The following SPARC variants were observed in gnomAD, a reference collection of about 807,000 sequenced individuals.
SPARC encodes basement-membrane protein 40.
Under a neutral mutation model 37.7 loss-of-function variants are expected in SPARC, and 23 were observed. The observed-to-expected ratio is 0.61, with a 90% CI of 0.44 to 0.87. SPARC has a LOEUF of 0.87. Among genes scored for constraint, SPARC ranks in the 40% least tolerant of loss-of-function variants. SPARC has a pLI of 0.00. For synonymous variants in SPARC, 155 were observed against 150.8 expected (o/e 1.03, Z -0.20); for missense variants, 312 against 389.0 (o/e 0.80, Z 1.66).
chr5:151,664,141 T>C lies in SPARC; in HGVS notation c.829A>G (p.Asn277Asp). 1 of 1,614,180 alleles carries C rather than the reference T, an allele frequency of 6.2e-7. No homozygotes were observed. The highest frequency in any genetic ancestry group is 8.5e-7 in the Non-Finnish European group (1 of 1,180,026). Residue 277 changes from asparagine to aspartate, a missense_variant, in exon 9 of 10, where the codon AAT (asparagine) becomes GAT (aspartate). Physicochemically the swap from Asn to Asp is conservative, Grantham distance 23. Transcript: ENST00000231061. Reference protein sequence around the residue: ...TRFFETCDLDNDKYIALDEWA... With the variant: ...TRFFETCDLDDDKYIALDEWA... ...TCATCCAGGGCGATGTACTTGTCAT[T>C]GTCCAGGTCACAGGTCTCGAAAAAG...
At chr5:151,684,882 A>C (rs1354272393) in intron 1 of SPARC, among the ~76,000 whole-genome samples, 5 of 152,190 alleles carry the variant, frequency 3.3e-5, no homozygotes, top group Non-Finnish European at 7.3e-5. Context: ...AGGTCTTCAA[A>C]CACCCTTGCA....
intron 6 of SPARC, among the ~76,000 whole-genome samples, chr5:151,668,399 C>G (rs1242320334): frequency 6.6e-6 from 1 of 152,168 alleles, no homozygotes; most frequent in Non-Finnish European, 1.5e-5. Flanking sequence ...GTGATCCTCC[C>G]TACTCGGCCT....
At chr5:151,665,817 T>C (rs1267993908) in intron 8 of SPARC, among the ~76,000 whole-genome samples, 1 of 152,174 alleles carries the variant, frequency 6.6e-6, no homozygotes, top group Non-Finnish European at 1.5e-5. Flanking sequence ...TGCCTGCCTG[T>C]TCGGCAGTGC....
At chr5:151,667,388 T>A in intron 7 of SPARC, 79 bp downstream of exon 7, 1 of 1,571,170 alleles carries the variant, frequency 6.4e-7, no homozygotes, top group Non-Finnish European at 8.7e-7. Flanking sequence ...GATGCCGCCC[T>A]GCAGCTGGGG....
Position 151,663,509 on chromosome 5 carries a change from C to T in SPARC, c.*62G>A. The T allele has an allele frequency of 2.0e-6, 3 of 1,497,330 alleles. No individual in the cohort carries two copies. The allele number at this position is 1,497,330 out of a possible 1,614,324, so 92.8% of individuals were successfully genotyped here. A position where few individuals can be genotyped will look rare whatever the true frequency, so the allele number is the denominator to read the frequency against. On this transcript the variant is annotated 3_prime_UTR_variant, in exon 10 of 10. Transcript: ENST00000231061. ...CAACAAACCATCCAAACATTTTAAA[C>T]ATTGGGGGAAACACGAAGGGGAGGG...
intron 5 of SPARC, among the ~76,000 whole-genome samples, chr5:151,670,035 T>TA (rs1018866986): frequency 4.6e-5 from 7 of 152,040 alleles, no homozygotes; most frequent in African/African-American, 1.7e-4. Flanking sequence ...AGTTCTGAGA[T>TA]ATAGGGAAAA....
Position 151,663,344 on chromosome 5 carries a change from T to G in SPARC, c.*227A>C. Reference sequence around the variant, plus strand: ...AAAGCTACAAATGGCAAGAGAAAAATGGGACTATTAATGCGTGTGGAAAAG... The same window carrying G: ...AAAGCTACAAATGGCAAGAGAAAAAGGGGACTATTAATGCGTGTGGAAAAG... On this transcript the variant is annotated 3_prime_UTR_variant, in exon 10 of 10. Coordinates refer to ENST00000231061, the MANE Select transcript of SPARC (RefSeq NM_003118.4). 1 of 528,990 alleles carries G rather than the reference T, an allele frequency of 1.9e-6. No homozygotes were observed. Among genetic ancestry groups the G allele is most frequent in the Non-Finnish European group, 3.4e-6 (1 of 297,978 alleles). 32.8% of individuals were successfully genotyped at this position (528,990 alleles called of 1,614,324 possible).
intron 1 of SPARC, among the ~76,000 whole-genome samples, chr5:151,683,743 G>A (rs1313349056): frequency 6.6e-6 from 1 of 152,192 alleles, no homozygotes; most frequent in Non-Finnish European, 1.5e-5. Context: ...ATAGGCGAGG[G>A]TCAGAATTTT....
In SPARC at chr5:151,667,508, C is replaced by A; in HGVS notation, c.544G>T (p.Asp182Tyr). ...TCAGTCAGAAGGTTGTTGTCCTCAT[C>A]CCTCTCATACAGGGTGACCAGGACG... The part of the protein sequence containing the change: ...KNVLVTLYER[D>Y]EDNNLLTEKQ... The change falls in exon 7 of 10, where the codon GAT (aspartate) becomes TAT (tyrosine). Residue 182 changes from aspartate (D) to tyrosine (Y), a missense_variant. Asp to Tyr is a radical substitution (Grantham distance 160, BLOSUM62 -3). Transcript: ENST00000231061. 6.2e-7 allele frequency: 1 copy of A among 1,614,220 alleles called. No individual in the cohort carries two copies. The highest frequency in any genetic ancestry group is 8.5e-7 in the Non-Finnish European group (1 of 1,180,024).
chr5:151,672,026 C>T (rs1242879780), intron 4 of SPARC, among the ~76,000 whole-genome samples: 1 of 152,170 alleles, frequency 6.6e-6, no homozygotes, highest in Non-Finnish European at 1.5e-5. Context: ...CTCCATTGAA[C>T]AATCACAGTG....
In SPARC at chr5:151,668,370, C is replaced by G. The variant is rs1250992172; in HGVS notation, c.452-770G>C. 2.6e-5 allele frequency among the ~76,000 whole-genome samples: 4 copies of G among 152,270 alleles called. No individual in the cohort carries two copies. In the East Asian group the frequency reaches 7.7e-4, roughly 29 times the overall value. The stretch of plus-strand genomic sequence containing the variant: ...GTTTTGCCACGTTGCCCAGACTGGT[C>G]TCGAACTCCTGAGCTCAAGTGATCC... On this transcript the variant is annotated intron_variant, in intron 6 of 9. Transcript: ENST00000231061.
chr5:151,662,639 G>A lies in SPARC; in HGVS notation c.*932C>T, dbSNP rs1760534968. 6.6e-6 allele frequency: 1 copy of A among 152,608 alleles called. No individual in the cohort carries two copies. Among genetic ancestry groups the A allele is most frequent in the Admixed American group, 6.5e-5 (1 of 15,288 alleles). The allele number at this position is 152,608 out of a possible 1,614,324, so 9.5% of individuals were successfully genotyped here. On this transcript the variant is annotated 3_prime_UTR_variant, in exon 10 of 10. Coordinates refer to ENST00000231061, the MANE Select transcript of SPARC (RefSeq NM_003118.4). Reference sequence around the variant, plus strand: ...AGAAAAAAGGGGAGGGTGAAGAAAAGGAGGAACATGCTAAAAACCTTATGA... The same window carrying A: ...AGAAAAAAGGGGAGGGTGAAGAAAAAGAGGAACATGCTAAAAACCTTATGA...
intron 3 of SPARC, 41 bp downstream of exon 3, chr5:151,674,571 G>A: frequency 6.3e-7 from 1 of 1,597,364 alleles, no homozygotes. Flanking sequence ...CACAGATACA[G>A]GTAGAGAGGG....
At position 151,664,227 on chromosome 5, in the gene SPARC, G is replaced by A. The variant is rs1561915547; in HGVS notation, c.743C>T (p.Ser248Phe). The A allele has an allele frequency of 1.2e-6, 2 of 1,613,878 alleles. No homozygotes were observed. Among genetic ancestry groups the A allele is most frequent in the East Asian group, 4.5e-5 (2 of 44,872 alleles). Residue 248 changes from serine to phenylalanine, a missense_variant, in exon 9 of 10, where the codon TCC becomes TTC. Coordinates refer to ENST00000231061, the MANE Select transcript of SPARC (RefSeq NM_003118.4). ...ACGCAGTGGAGCCAGCTCGGTGTGG[G>A]AGAGGTACCTGCAGGGAAGGAGGCA... The part of the protein sequence containing the change: ...LDQHPIDGYL[S>F]HTELAPLRAP...
chr5:151,685,412 C>CCTCT (rs879328588), intron 1 of SPARC, among the ~76,000 whole-genome samples: 4 of 139,268 alleles, frequency 2.9e-5, no homozygotes, highest in Non-Finnish European at 4.6e-5. Flanking sequence ...TCTCTCTCTC[C>CCTCT]CTCTCTCTCT....
chr5:151,661,856 T>C lies in SPARC; in HGVS notation c.*1715A>G, dbSNP rs1022132051. ...AATTTAAATCTTAAAAAGTTACATGTGGGTAGTGGCTGCCGTACGGAACAG... is the reference window on the plus strand; with the variant it reads ...AATTTAAATCTTAAAAAGTTACATGCGGGTAGTGGCTGCCGTACGGAACAG... On this transcript the variant is annotated 3_prime_UTR_variant, in exon 10 of 10. Transcript: ENST00000231061. 8 of 152,222 alleles carry C rather than the reference T, an allele frequency of 5.3e-5. No individual in the cohort carries two copies. Among genetic ancestry groups the C allele is most frequent in the African/African-American group, 1.9e-4 (8 of 41,450 alleles). 9.4% of individuals were successfully genotyped at this position (152,222 alleles called of 1,614,324 possible).
rs756254503 is a variant in SPARC, at chr5:151,669,740, G to C, written c.375C>G (p.Phe125Leu). ...CCTCCAGGGTGCACTTTGTGGCAAA[G>C]AAGTGGCAGGAAGAGTCGAAGGTCT... ...DNKTFDSSCHFFATKCTLEGT... is the reference protein window; with the variant it reads ...DNKTFDSSCHLFATKCTLEGT... The change falls in exon 6 of 10, where the codon TTC (phenylalanine) becomes TTG (leucine). Residue 125 changes from phenylalanine to leucine, a missense_variant. Physicochemically the swap from Phe to Leu is conservative, Grantham distance 22 (BLOSUM62 0). Coordinates refer to ENST00000231061, the MANE Select transcript of SPARC (RefSeq NM_003118.4). 8.7e-6 allele frequency: 14 copies of C among 1,614,212 alleles called. No homozygotes were observed. Among genetic ancestry groups the C allele is most frequent in the Non-Finnish European group, 1.2e-5 (14 of 1,180,034 alleles).
intron 1 of SPARC, among the ~76,000 whole-genome samples, chr5:151,684,795 A>G (rs1035868664): frequency 5.3e-5 from 8 of 152,058 alleles, no homozygotes; most frequent in Admixed American, 1.3e-4. Context: ...CTTTAACTGT[A>G]GAGGGAATGG....
intron 7 of SPARC, 38 bp downstream of exon 7, chr5:151,667,429 A>AC (rs1760648529): frequency 6.2e-6 from 10 of 1,613,398 alleles, no homozygotes; most frequent in Non-Finnish European, 5.9e-6. Flanking sequence ...CTGGATCTTC[A>AC]CCAGCACGGG....
Sources: gnomAD v4.1 joint callset for allele counts (sites outside exome capture counted in the v4.1 genomes callset) on GRCh38, gnomAD v4.1.1 for gene constraint, MANE v1.5 for transcripts, NCBI Gene and HGNC (gene_info 2026-07-23, HGNC 2026-07-21) for gene names.